Variants in DISC1 observed in about 807,000 individuals in gnomAD.
DISC1 encodes the protein DISC1 scaffold protein.
A neutral mutation model predicts 84.5 loss-of-function variants in DISC1; 57 were observed. The observed-to-expected ratio is 0.67, with a 90% confidence interval of 0.55 to 0.84. DISC1 has a LOEUF of 0.84. Among genes scored for constraint, DISC1 ranks in the 40% least tolerant of loss-of-function variants. DISC1 has a pLI of 0.00. For missense variants in DISC1, 1,000 were observed against 1,057.8 expected (o/e 0.95, Z 0.76); for synonymous variants, 411 against 415.2 (o/e 0.99, Z 0.12).
chr1:231,659,166 T>A (rs1035185151), intron 1 of DISC1, among the ~76,000 whole-genome samples: 1 of 152,182 alleles, frequency 6.6e-6, no homozygotes, highest in African/African-American at 2.4e-5. Context: ...GAACTCATTA[T>A]TGGTCTATTC....
chr1:231,729,567 TG>T (rs2071236882), intron 3 of DISC1, among the ~76,000 whole-genome samples: 1 of 152,232 alleles, frequency 6.6e-6, no homozygotes, highest in Non-Finnish European at 1.5e-5. Flanking sequence ...TTTGTATTGC[TG>T]CTCTTCAGCC....
chr1:231,861,513 G>A (rs1271853885), intron 9 of DISC1, among the ~76,000 whole-genome samples: 2 of 145,296 alleles, frequency 1.4e-5, no homozygotes, highest in Non-Finnish European at 3.0e-5. Context: ...TCTCAGAAAG[G>A]ACATACTTGA....
chr1:231,852,999 T>C (rs9431697), intron 9 of DISC1, among the ~76,000 whole-genome samples: 14,116 of 152,264 alleles, frequency 0.093, 1,577 homozygotes, highest in African/African-American at 0.27. Flanking sequence ...TTATAGCAGC[T>C]CTAAAATATT....
At chr1:231,848,468 G>T (rs975233844) in intron 9 of DISC1, among the ~76,000 whole-genome samples, 2 of 152,190 alleles carry the variant, frequency 1.3e-5, no homozygotes, top group Non-Finnish European at 2.9e-5. Context: ...TGGAAAGCTA[G>T]TTAAAATGCC....
At chr1:231,741,786 T>C (rs1332555515) in intron 3 of DISC1, among the ~76,000 whole-genome samples, 1 of 152,224 alleles carries the variant, frequency 6.6e-6, no homozygotes, top group Non-Finnish European at 1.5e-5. Flanking sequence ...CCAGCTCCTC[T>C]CACAGCAACT....
intron 1 of DISC1, among the ~76,000 whole-genome samples, chr1:231,645,199 C>T (rs1435632380): frequency 6.6e-6 from 1 of 152,140 alleles, no homozygotes; most frequent in Non-Finnish European, 1.5e-5. Context: ...ACAGAGAGAT[C>T]TGTGTCAGAA....
intron 6 of DISC1, among the ~76,000 whole-genome samples, chr1:231,790,557 C>T (rs965739530): frequency 4.6e-5 from 7 of 151,852 alleles, no homozygotes; most frequent in Non-Finnish European, 8.8e-5. Context: ...CTCCCTCTGT[C>T]GCCCAGGCTG....
At chr1:231,804,608 C>G (rs1489206977) in intron 8 of DISC1, among the ~76,000 whole-genome samples, 1 of 152,056 alleles carries the variant, frequency 6.6e-6, no homozygotes, top group African/African-American at 2.4e-5. Context: ...GGCATGAGCT[C>G]CTGGCTCAAT....
intron 4 of DISC1, among the ~76,000 whole-genome samples, chr1:231,755,050 A>T (rs1336748056): frequency 1.3e-5 from 2 of 152,198 alleles, no homozygotes; most frequent in Non-Finnish European, 2.9e-5. Context: ...TTCAATTCTT[A>T]TTCTGCTATG....
At chr1:232,026,762 CTTTTTTTTTT>C (rs545455868) in intron 12 of DISC1, among the ~76,000 whole-genome samples, 4 of 110,874 alleles carry the variant, frequency 3.6e-5, no homozygotes, top group African/African-American at 6.7e-5. Context: ...TTTCTTTTTT[CTTTTTTTTTT>C]TTTTTTTTTT....
chr1:231,799,415 T>C (rs1299084449), intron 7 of DISC1, among the ~76,000 whole-genome samples: 1 of 152,114 alleles, frequency 6.6e-6, no homozygotes, highest in East Asian at 1.9e-4. Context: ...GCAAAATCCC[T>C]GCTCACATAG....
intron 10 of DISC1, among the ~76,000 whole-genome samples, chr1:231,984,459 A>G (rs1664114298): frequency 6.6e-6 from 1 of 152,212 alleles, no homozygotes. Context: ...TGTCACTCAG[A>G]AGATCTTGAT....
At chr1:231,741,310 A>G (rs999852502) in intron 3 of DISC1, among the ~76,000 whole-genome samples, 6 of 152,228 alleles carry the variant, frequency 3.9e-5, no homozygotes, top group African/African-American at 1.4e-4. Flanking sequence ...ACATCTTGCT[A>G]GGTAGGTAGG....
At chr1:231,739,948 A>G (rs1292032890) in intron 3 of DISC1, among the ~76,000 whole-genome samples, 3 of 152,126 alleles carry the variant, frequency 2.0e-5, no homozygotes, top group Non-Finnish European at 4.4e-5. Flanking sequence ...TTCTAATGCG[A>G]TGGTATTAGG....
At chr1:231,819,048 G>A in intron 9 of DISC1, 1 of 988,268 alleles carries the variant, frequency 1.0e-6, no homozygotes, top group Non-Finnish European at 1.2e-6. Flanking sequence ...AAGTGTTCCT[G>A]TGTTCTTTCC....
intron 10 of DISC1, among the ~76,000 whole-genome samples, chr1:231,963,444 G>A (rs1660661901): frequency 6.6e-6 from 1 of 152,092 alleles, no homozygotes; most frequent in African/African-American, 2.4e-5. Flanking sequence ...CAGATGCTGT[G>A]GCTGGTCTCC....
At chr1:231,934,619 C>T (rs1198668252) in intron 9 of DISC1, among the ~76,000 whole-genome samples, 3 of 152,050 alleles carry the variant, frequency 2.0e-5, no homozygotes, top group Non-Finnish European at 2.9e-5. Context: ...AGATATGTAA[C>T]GTATATATTG....
At position 231,838,475 on chromosome 1, in the gene DISC1, C is replaced by T. The variant is rs532422721; in HGVS notation, c.1981+19958C>T. ...TTGTAATAGCCCTGTGACACATAAG[C>T]GGAGAAAAAAACCCCCTCCATGCTT... On this transcript the variant is annotated intron_variant, in intron 9 of 12. Transcript: ENST00000439617. Among the ~76,000 whole-genome samples, 22 of 152,088 alleles carry T rather than the reference C, an allele frequency of 1.4e-4. No homozygotes were observed. In the South Asian group the frequency reaches 3.9e-3, roughly 27 times the overall value.
intron 10 of DISC1, among the ~76,000 whole-genome samples, chr1:232,007,198 C>T (rs530925038): frequency 2.0e-5 from 3 of 152,288 alleles, no homozygotes; most frequent in African/African-American, 7.2e-5. Flanking sequence ...AGAGCCCCCA[C>T]ACTGAGTCCC....
Sources: gnomAD v4.1 joint callset for allele counts (sites outside exome capture counted in the v4.1 genomes callset) on GRCh38, gnomAD v4.1.1 for gene constraint, MANE v1.5 for transcripts, NCBI Gene and HGNC (gene_info 2026-07-23, HGNC 2026-07-21) for gene names.